PRKACA: variants seen among roughly 807,000 people sequenced by gnomAD.
PRKACA encodes the protein cAMP-dependent protein kinase catalytic subunit alpha.
In PRKACA, 9 loss-of-function variants were observed where a neutral mutation model predicts 45.8. The ratio of observed to expected loss-of-function variants is 0.20; its 90% CI spans 0.12 to 0.34. The LOEUF (loss-of-function observed/expected upper bound fraction) is 0.34. Among genes scored for constraint, PRKACA ranks in the 10% least tolerant of loss-of-function variants. PRKACA has a pLI of 1.00. For synonymous variants in PRKACA, 160 were observed against 178.6 expected (o/e 0.90, Z 0.83); for missense variants, 238 against 458.6 (o/e 0.52, Z 4.39).
At position 14,097,830 on chromosome 19, in the gene PRKACA, C is replaced by T. The variant is rs764675218; in HGVS notation, c.480G>A (p.Ser160=). The T allele has an allele frequency of 8.7e-5, 140 of 1,614,004 alleles. No homozygotes were observed. Among genetic ancestry groups the T allele is most frequent in the Non-Finnish European group, 9.0e-5 (106 of 1,180,032 alleles). ...QIVLTFEYLH[S]LDLIYRDLKP... ...TCAGGTCCCTGTAGATGAGATCCAG[C>T]GAGTGCAGATACTCAAAGGTCAGGA... The change falls in exon 6 of 10, where the codon TCG becomes TCA. Residue 160 remains serine (S), a synonymous_variant. Coordinates refer to ENST00000308677, the MANE Select transcript of PRKACA (RefSeq NM_002730.4). The surrounding 1 kb of genome is among the most constrained non-coding windows in gnomAD (Gnocchi z 5.4).
At position 14,092,000 on chromosome 19, in the gene PRKACA, G is replaced by T. The variant is rs1977086701; in HGVS notation, c.*1112C>A. 2 of 152,264 alleles carry T rather than the reference G, an allele frequency of 1.3e-5. No homozygotes were observed. The highest frequency in any genetic ancestry group is 1.3e-4 in the Admixed American group (2 of 15,290). 9.4% of individuals were successfully genotyped at this position (152,264 alleles called of 1,614,324 possible). Reference sequence around the variant, plus strand: ...AAGCTGGAGGAGGGGCGCCCAGGATGGGGGAGGCGGAAGCTGGTGGGTGAG... The same window carrying T: ...AAGCTGGAGGAGGGGCGCCCAGGATTGGGGAGGCGGAAGCTGGTGGGTGAG... On this transcript the variant is annotated 3_prime_UTR_variant, in exon 10 of 10. Coordinates refer to ENST00000308677, the MANE Select transcript of PRKACA (RefSeq NM_002730.4).
chr19:14,110,424 T>A (rs925767123), intron 1 of PRKACA, among the ~76,000 whole-genome samples: 4 of 151,686 alleles, frequency 2.6e-5, no homozygotes, highest in African/African-American at 9.7e-5. Flanking sequence ...ATAAAAACAT[T>A]AGCCAGGTGT....
At chr19:14,114,269 G>A in intron 1 of PRKACA, 1 of 1,447,818 alleles carries the variant, frequency 6.9e-7, no homozygotes, top group Admixed American at 2.0e-5. Context: ...GGGAGCTAGG[G>A]AGCCGTGGGG....
intron 2 of PRKACA, 22 bp downstream of exon 2, chr19:14,107,326 G>A: frequency 6.2e-7 from 1 of 1,610,536 alleles, no homozygotes; most frequent in East Asian, 2.2e-5. Flanking sequence ...CCCTCCCTGG[G>A]CTCTGCACCC....
chr19:14,109,433 G>A (rs1568537002), intron 1 of PRKACA, among the ~76,000 whole-genome samples: 1 of 151,820 alleles, frequency 6.6e-6, no homozygotes, highest in Non-Finnish European at 1.5e-5. Context: ...AGGCGACGGG[G>A]CGAGACTCTG....
Position 14,117,374 on chromosome 19 carries a change from G to T in PRKACA, c.46+128C>A, listed in dbSNP as rs370022976. ...GCGGGCCCCAGCCTTGGACAGGCCG[G>T]GGCAAGGGGCGCTGGGGGGTAGGCA... On this transcript the variant is annotated intron_variant, in intron 1 of 9. Transcript: ENST00000308677. 3.1e-5 allele frequency: 33 copies of T among 1,077,336 alleles called. No individual in the cohort carries two copies. The East Asian group carries it at 1.3e-3, about 42-fold the overall frequency. 66.7% of individuals were successfully genotyped at this position (1,077,336 alleles called of 1,614,324 possible).
intron 1 of PRKACA, chr19:14,108,127 T>C (rs2144480350): frequency 1.0e-6 from 1 of 985,488 alleles, no homozygotes; most frequent in South Asian, 4.7e-5. Context: ...AAAACAGTCA[T>C]TCTCGTCTCT....
intron 1 of PRKACA, among the ~76,000 whole-genome samples, chr19:14,117,141 T>G: frequency 8.5e-6 from 1 of 117,720 alleles, no homozygotes; most frequent in Non-Finnish European, 1.7e-5. Flanking sequence ...ATCCCATAGG[T>G]GAGAGAGGTG....
At chr19:14,104,640 G>A (rs1396009755) in intron 3 of PRKACA, among the ~76,000 whole-genome samples, 1 of 149,264 alleles carries the variant, frequency 6.7e-6, no homozygotes, top group African/African-American at 2.5e-5. Flanking sequence ...AGGTTGCAGT[G>A]AGCCAAGATC....
intron 5 of PRKACA, chr19:14,098,140 C>G: frequency 2.2e-6 from 1 of 445,950 alleles, no homozygotes; most frequent in Non-Finnish European, 4.1e-6. Context: ...AACAGGACAG[C>G]CCATGCATCC....
chr19:14,099,270 T>TG (rs1977368651), intron 5 of PRKACA, among the ~76,000 whole-genome samples: 1 of 152,198 alleles, frequency 6.6e-6, no homozygotes, highest in African/African-American at 2.4e-5. Context: ...CCAGCCTGGG[T>TG]GACAAGAGTG....
chr19:14,097,364 C>T lies in PRKACA; in HGVS notation c.762G>A (p.Gly254=). 1 of 1,614,144 alleles carries T rather than the reference C, an allele frequency of 6.2e-7. No homozygotes were observed. The highest frequency in any genetic ancestry group is 8.5e-7 in the Non-Finnish European group (1 of 1,180,032). Residue 254 remains glycine (G), a synonymous_variant, in exon 8 of 10, where the codon GGG becomes GGA. Transcript: ENST00000308677. The surrounding 1 kb of genome is among the most constrained non-coding windows in gnomAD (Gnocchi z 5.4). ...TGTCCCCACATCCGGACCTCACCTT[C>T]CCAGAGACGATCTTCTCATAGATCT... ...PIQIYEKIVS[G]KVRFPSHFSS...
chr19:14,102,781 C>A, intron 4 of PRKACA, 35 bp downstream of exon 4: 1 of 1,562,382 alleles, frequency 6.4e-7, no homozygotes, highest in South Asian at 1.1e-5. Flanking sequence ...GGACCCAATG[C>A]AGTGACCCCC....
At chr19:14,105,616 G>GA (rs1555774415) in intron 3 of PRKACA, among the ~76,000 whole-genome samples, 1 of 152,040 alleles carries the variant, frequency 6.6e-6, no homozygotes, top group Non-Finnish European at 1.5e-5. Context: ...AACTTTGGGT[G>GA]TTTTTTTAGA....
At chr19:14,100,459 A>G (rs993131907) in intron 5 of PRKACA, among the ~76,000 whole-genome samples, 1 of 151,894 alleles carries the variant, frequency 6.6e-6, no homozygotes, top group Non-Finnish European at 1.5e-5. Context: ...CACCATGCCC[A>G]GCTCAGTTTT....
rs766076468 is a variant in PRKACA at position 14,114,206 on chromosome 19, A to G, written c.46+3296T>C. On this transcript the variant is annotated intron_variant, in intron 1 of 9. Coordinates refer to ENST00000308677, the MANE Select transcript of PRKACA (RefSeq NM_002730.4). Reference sequence around the variant, plus strand: ...GGCACTACGGTGGCTGGGAAGGCTCATGAGACCTGCCGTGTCTGTTCGGCT... The same window carrying G: ...GGCACTACGGTGGCTGGGAAGGCTCGTGAGACCTGCCGTGTCTGTTCGGCT... 2.8e-5 allele frequency: 45 copies of G among 1,596,984 alleles called. 1 individual carries two copies. The East Asian group carries it at 9.6e-4, about 34-fold the overall frequency.
intron 8 of PRKACA, among the ~76,000 whole-genome samples, chr19:14,094,048 G>C (rs1977173890): frequency 6.6e-6 from 1 of 152,062 alleles, no homozygotes; most frequent in African/African-American, 2.4e-5. Context: ...AGTTTTTGTA[G>C]AGACAGGGTC....
chr19:14,105,574 A>T (rs1478827537), intron 3 of PRKACA, among the ~76,000 whole-genome samples: 1 of 151,906 alleles, frequency 6.6e-6, no homozygotes, highest in Non-Finnish European at 1.5e-5. Context: ...CATGAATGAC[A>T]CCTGTTTCTT....
rs189919359 is a variant in PRKACA at position 14,097,217 on chromosome 19, C to T, written c.765+144G>A. The T allele has an allele frequency of 3.3e-5, 43 of 1,309,308 alleles. 1 individual carries two copies. Among genetic ancestry groups the T allele is most frequent in the African/African-American group, 1.8e-4 (12 of 68,472 alleles). 81.1% of individuals were successfully genotyped at this position (1,309,308 alleles called of 1,614,324 possible). On this transcript the variant is annotated intron_variant, in intron 8 of 9. Transcript: ENST00000308677. The surrounding 1 kb of genome is among the most constrained non-coding windows in gnomAD (Gnocchi z 5.4). ...CTTGAGGTGTTGGCCTCAGTGTGGC[C>T]GGCGCGTCCAGCTTCACCACCTGGC...
Sources: allele counts gnomAD v4.1 joint callset (sites outside exome capture counted in the v4.1 genomes callset), GRCh38; gene constraint gnomAD v4.1.1; non-coding constraint Gnocchi (gnomAD v3.1); transcripts MANE v1.5; gene names NCBI Gene and HGNC (gene_info 2026-07-23, HGNC 2026-07-21).